PLCH1: variants seen among roughly 807,000 people sequenced by gnomAD.
PLCH1 encodes phospholipase C eta 1, also known as 1-phosphatidylinositol 4,5-bisphosphate phosphodiesterase eta-1.
Under a neutral mutation model 126.7 loss-of-function variants are expected in PLCH1, and 60 were observed. That is an observed-to-expected ratio of 0.47 (90% CI 0.38 to 0.59). The LOEUF (loss-of-function observed/expected upper bound fraction) is 0.59, where lower values mean the gene tolerates loss of function less well. PLCH1 is among the 20% of genes least tolerant of loss of function. PLCH1 has a pLI of 0.00. For missense variants in PLCH1, 1,723 were observed against 2,040.0 expected, an observed-to-expected ratio of 0.84 and a Z score of 2.99; for synonymous variants, 719 against 734.9, an observed-to-expected ratio of 0.98 and a Z score of 0.35.
chr3:155,655,417 C>A (rs1284627378), intron 2 of PLCH1, among the ~76,000 whole-genome samples: 3 of 143,222 alleles, frequency 2.1e-5, no homozygotes, highest in Non-Finnish European at 3.0e-5. Context: ...GGTAACAGAG[C>A]AAGAAACTTG....
At chr3:155,476,483 T>C (rs1713553586), downstream of PLCH1, among the ~76,000 whole-genome samples, 2 of 152,090 alleles carry the variant, frequency 1.3e-5, no homozygotes, top group South Asian at 4.1e-4. Flanking sequence ...GGCATCCAAA[T>C]TGAAAAGGAA....
chr3:155,545,853 A>T (rs1411083550), intron 10 of PLCH1, among the ~76,000 whole-genome samples: 1 of 152,192 alleles, frequency 6.6e-6, no homozygotes, highest in Admixed American at 6.5e-5. Context: ...CATGCTAAAA[A>T]CTCTCAATAA....
intron 8 of PLCH1, among the ~76,000 whole-genome samples, chr3:155,563,427 C>T (rs554508219): frequency 5.9e-5 from 9 of 152,272 alleles, no homozygotes; most frequent in African/African-American, 1.9e-4. Flanking sequence ...GCACCATCCA[C>T]CTTCTAGCTC....
intron 2 of PLCH1, among the ~76,000 whole-genome samples, chr3:155,640,616 A>G (rs1459773615): frequency 6.6e-6 from 1 of 152,222 alleles, no homozygotes; most frequent in African/African-American, 2.4e-5. Flanking sequence ...GCCTACTAGC[A>G]TAATTTAAAT....
At chr3:155,471,818 T>A (rs1464393153) in intron 21 of PLCH1, among the ~76,000 whole-genome samples, 2 of 152,180 alleles carry the variant, frequency 1.3e-5, no homozygotes, top group Admixed American at 1.3e-4. Flanking sequence ...AACCTGCTCA[T>A]GAATAACTAC....
rs1431077146 is a variant in PLCH1 at position 155,727,191 on chromosome 3, A to G, written c.-41+17649T>C. Among the ~76,000 whole-genome samples the G allele has an allele frequency of 2.6e-5, 4 of 152,108 alleles. No homozygotes were observed. In the East Asian group the frequency reaches 7.7e-4, roughly 29 times the overall value. The stretch of plus-strand genomic sequence containing the variant: ...AATAAAATGAGCTTGGTTAGTCCTC[A>G]TAGTTTCTTATCTTAAGCTCGTATC... On this transcript the variant is annotated intron_variant, in intron 1 of 22. Coordinates refer to ENST00000460012, the MANE Select transcript of PLCH1 (RefSeq NM_014996.4).
chr3:155,741,405 G>C (rs1322701856), intron 1 of PLCH1, among the ~76,000 whole-genome samples: 1 of 152,178 alleles, frequency 6.6e-6, no homozygotes, highest in Non-Finnish European at 1.5e-5. Context: ...CCAAATGGAG[G>C]ATGCTCTTCA....
At chr3:155,475,426 G>A (rs1713497037), downstream of PLCH1, among the ~76,000 whole-genome samples, 2 of 151,414 alleles carry the variant, frequency 1.3e-5, no homozygotes, top group Admixed American at 1.3e-4. Context: ...AAAAGCAAAG[G>A]AAACCAAACC....
chr3:155,574,999 C>T (rs1027342444), intron 6 of PLCH1, among the ~76,000 whole-genome samples: 5 of 151,874 alleles, frequency 3.3e-5, no homozygotes, highest in South Asian at 2.1e-4. Flanking sequence ...GGTATGGTGG[C>T]GGGCACCTAC....
intron 2 of PLCH1, among the ~76,000 whole-genome samples, chr3:155,641,196 A>T (rs1370459483): frequency 7.1e-6 from 1 of 141,656 alleles, no homozygotes; most frequent in Admixed American, 7.0e-5. Context: ...TTCAACGTTA[A>T]AAAAAAAAAA....
At chr3:155,451,309 C>T (rs773008823) in intron 21 of PLCH1, among the ~76,000 whole-genome samples, 23 of 151,974 alleles carry the variant, frequency 1.5e-4, no homozygotes, top group African/African-American at 2.7e-4. Context: ...TATCTTGCCA[C>T]GAGAAATTTA....
chr3:155,619,503 A>T (rs931391770), intron 2 of PLCH1, among the ~76,000 whole-genome samples: 2 of 151,936 alleles, frequency 1.3e-5, no homozygotes, highest in African/African-American at 4.8e-5. Context: ...AAAAGTAAAA[A>T]AAAAAAAAAA....
Position 155,566,200 on chromosome 3 carries a change from CATATATACACATATATACGT to C in PLCH1, c.866-1102_866-1083del, listed in dbSNP as rs1199779066. The stretch of plus-strand genomic sequence containing the variant: ...ATATATACACATATATATACACATA[CATATATACACATATATACGT>C]ATATATACACATATATATACATATA... On this transcript the variant is annotated intron_variant, in intron 7 of 22. Coordinates refer to ENST00000460012, the MANE Select transcript of PLCH1 (RefSeq NM_014996.4). 7.5e-4 allele frequency among the ~76,000 whole-genome samples: 25 copies of C among 33,130 alleles called. 2 individuals carry two copies. The highest frequency in any genetic ancestry group is 3.0e-3 in the Non-Finnish European group (18 of 6,076). 21.7% of individuals were successfully genotyped at this position (33,130 alleles called of 152,430 possible). A position where few individuals can be genotyped will look rare whatever the true frequency, so the allele number is the denominator to read the frequency against.
chr3:155,727,011 C>T (rs576205524), intron 1 of PLCH1, among the ~76,000 whole-genome samples: 6 of 151,732 alleles, frequency 4.0e-5, no homozygotes, highest in African/African-American at 7.2e-5. Flanking sequence ...TGAGCCACTG[C>T]GCCCGGCTCA....
Position 155,488,692 on chromosome 3 carries a change from T to C in PLCH1, c.2507A>G (p.Gln836Arg), listed in dbSNP as rs1490569817. The change falls in exon 20 of 23, where the codon CAA becomes CGA. Residue 836 changes from glutamine (Q) to arginine (R), a missense_variant. Around this residue, in one of 2 missense-constraint regions of PLCH1, gnomAD observed 776 missense variants for 1,062.9 expected, o/e 0.73. Coordinates refer to ENST00000460012, the MANE Select transcript of PLCH1 (RefSeq NM_014996.4). ...HDPIGRDFVG[Q>R]RTVTFSSLVP... Reference sequence around the variant, plus strand: ...TAAGCTGCTGAAGGTCACAGTTCTTTGTCCAACAAAGTCTCGTCCAATGGG... The same window carrying C: ...TAAGCTGCTGAAGGTCACAGTTCTTCGTCCAACAAAGTCTCGTCCAATGGG... 1 of 1,613,728 alleles carries C rather than the reference T, an allele frequency of 6.2e-7. No homozygotes were observed. Among genetic ancestry groups the C allele is most frequent in the Non-Finnish European group, 8.5e-7 (1 of 1,179,914 alleles).
intron 2 of PLCH1, among the ~76,000 whole-genome samples, chr3:155,651,474 G>A (rs138732944): frequency 9.2e-5 from 14 of 152,022 alleles, no homozygotes; most frequent in African/African-American, 3.4e-4. Context: ...GTTGGAGGGG[G>A]TGGCGTGGAG....
At chr3:155,586,252 C>T in intron 4 of PLCH1, 58 bp from the exon 5 acceptor site, 2 of 1,569,214 alleles carry the variant, frequency 1.3e-6, no homozygotes, top group Non-Finnish European at 1.7e-6. Context: ...ACTGCTCTCT[C>T]ACAGAATACT....
chr3:155,596,346 T>C lies in PLCH1; in HGVS notation c.112A>G (p.Thr38Ala). The change falls in exon 3 of 23, where the codon ACA (threonine) becomes GCA (alanine). Residue 38 changes from threonine (T) to alanine (A), a missense_variant. Coordinates refer to ENST00000460012, the MANE Select transcript of PLCH1 (RefSeq NM_014996.4). ...ERCMSVMQSG[T>A]QMIKLKRGTK... Reference sequence around the variant, plus strand: ...CCACGTTTCAGCTTGATCATCTGTGTCCCGGACTGCATCACACTCATGCAT... The same window carrying C: ...CCACGTTTCAGCTTGATCATCTGTGCCCCGGACTGCATCACACTCATGCAT... The C allele has an allele frequency of 6.2e-7, 1 of 1,613,556 alleles. No individual in the cohort carries two copies. The highest frequency in any genetic ancestry group is 8.5e-7 in the Non-Finnish European group (1 of 1,179,716).
chr3:155,542,668 C>T (rs567429877), intron 10 of PLCH1, among the ~76,000 whole-genome samples: 37 of 152,168 alleles, frequency 2.4e-4, no homozygotes, highest in Admixed American at 4.6e-4. Flanking sequence ...CTCACACAGC[C>T]GGGTACTCCT....
Sources: allele counts gnomAD v4.1 joint callset (sites outside exome capture counted in the v4.1 genomes callset), GRCh38; gene constraint gnomAD v4.1.1; regional missense constraint gnomAD v4.1.1; transcripts MANE v1.5; gene names NCBI Gene and HGNC (gene_info 2026-07-23, HGNC 2026-07-21).